The following PTK2 variants were observed in gnomAD, a reference collection of about 807,000 sequenced individuals.
The protein encoded by PTK2 is focal adhesion kinase 1.
A neutral mutation model predicts 150.1 loss-of-function variants in PTK2; 45 were observed. The ratio of observed to expected loss-of-function variants is 0.30; its 90% CI spans 0.24 to 0.38. PTK2 has a LOEUF of 0.38. PTK2 is among the 10% of genes least tolerant of loss of function. The probability of loss-of-function intolerance (pLI) is 1.00; values close to 1 mark genes in which losing one functional copy is unlikely to be tolerated. For synonymous variants in PTK2, 432 were observed against 449.2 expected (o/e 0.96, Z 0.48); for missense variants, 919 against 1,307.3 (o/e 0.70, Z 4.58).
chr8:140,999,549 T>G (rs1195268323), intron 1 of PTK2, among the ~76,000 whole-genome samples: 1 of 152,226 alleles, frequency 6.6e-6, no homozygotes, highest in Non-Finnish European at 1.5e-5. Context: ...GCTTTTCTAA[T>G]TAATTGGCTA....
chr8:140,960,187 CTTTTTTTTTTT>C (rs371999950), intron 1 of PTK2, among the ~76,000 whole-genome samples: 4 of 72,348 alleles, frequency 5.5e-5, no homozygotes, highest in Non-Finnish European at 9.4e-5. Flanking sequence ...CAATTTTAAA[CTTTTTTTTTTT>C]TTTTTTTTTT....
Position 140,818,276 on chromosome 8 carries a change from C to T in PTK2, c.867+1G>A. ...TTCCCGAAAGGTCAGAGCAGACTTA[C>T]ATTGCAGCCCTTGTCCGTTAGGTAA... On this transcript the variant is annotated splice_donor_variant, in intron 10 of 31. Coordinates refer to ENST00000522684, the Ensembl canonical transcript of PTK2. LOFTEE classifies it high-confidence loss of function. 6.2e-7 allele frequency: 1 copy of T among 1,611,942 alleles called. No individual in the cohort carries two copies. The highest frequency in any genetic ancestry group is 8.5e-7 in the Non-Finnish European group (1 of 1,177,966).
intron 23 of PTK2, among the ~76,000 whole-genome samples, chr8:140,708,953 C>T (rs182041575): frequency 1.4e-5 from 2 of 140,554 alleles, no homozygotes; most frequent in Admixed American, 1.5e-4. Flanking sequence ...GTGATGTACT[C>T]TTGATAAATT....
At chr8:140,782,061 C>A (rs2154569288) in intron 14 of PTK2, among the ~76,000 whole-genome samples, 2 of 152,206 alleles carry the variant, frequency 1.3e-5, no homozygotes, top group Middle Eastern at 3.4e-3. Flanking sequence ...GGTTTGGAGT[C>A]TCTCCTAATA....
chr8:140,797,155 A>G (rs961755690), intron 12 of PTK2, among the ~76,000 whole-genome samples: 8 of 151,680 alleles, frequency 5.3e-5, no homozygotes, highest in African/African-American at 1.9e-4. Flanking sequence ...GGCATTCTCC[A>G]GAAGTCTTGC....
chr8:140,753,332 T>G lies in PTK2; in HGVS notation c.1333-1016A>C, dbSNP rs113719294. On this transcript the variant is annotated intron_variant, in intron 16 of 31. Transcript: ENST00000522684. ...TTTTTGACCAGAAAAACTGACAAGATGGAAGGGGAAGATCAGAAGCTCGGC... is the reference window on the plus strand; with the variant it reads ...TTTTTGACCAGAAAAACTGACAAGAGGGAAGGGGAAGATCAGAAGCTCGGC... Among the ~76,000 whole-genome samples the G allele has an allele frequency of 2.6e-3, 389 of 152,158 alleles. 3 individuals are homozygous for G. Among genetic ancestry groups the G allele is most frequent in the African/African-American group, 8.9e-3 (368 of 41,518 alleles).
At chr8:140,728,509 A>G (rs1592464405) in intron 22 of PTK2, among the ~76,000 whole-genome samples, 1 of 152,122 alleles carries the variant, frequency 6.6e-6, no homozygotes, top group African/African-American at 2.4e-5. Flanking sequence ...AGCAATGGAC[A>G]TGGATTATTT....
chr8:140,993,592 T>C (rs978316981), intron 1 of PTK2, among the ~76,000 whole-genome samples: 1 of 152,104 alleles, frequency 6.6e-6, no homozygotes, highest in Non-Finnish European at 1.5e-5. Flanking sequence ...AAGACAAACA[T>C]ATAGTGTTTT....
At position 140,803,138 on chromosome 8, in the gene PTK2, G is replaced by C. The variant is rs546809197; in HGVS notation, c.975+405C>G. Among the ~76,000 whole-genome samples, 3 of 147,252 alleles carry C rather than the reference G, an allele frequency of 2.0e-5. No homozygotes were observed. In the South Asian group the frequency reaches 6.6e-4, roughly 32 times the overall value. ...CAAGAGATTCTTGTGCCTCAGCCTCGCAAGTAGCTGGGATTACAGGTGTGC... is the reference window on the plus strand; with the variant it reads ...CAAGAGATTCTTGTGCCTCAGCCTCCCAAGTAGCTGGGATTACAGGTGTGC... On this transcript the variant is annotated intron_variant, in intron 11 of 31. Transcript: ENST00000522684.
chr8:140,780,244 C>T (rs1199795517), intron 14 of PTK2, among the ~76,000 whole-genome samples: 2 of 152,080 alleles, frequency 1.3e-5, no homozygotes, highest in African/African-American at 4.8e-5. Context: ...GAAATCTAAG[C>T]ATTAATGTCA....
intron 3 of PTK2, among the ~76,000 whole-genome samples, chr8:140,885,347 C>A (rs1044262094): frequency 6.6e-6 from 1 of 152,088 alleles, no homozygotes; most frequent in Non-Finnish European, 1.5e-5. Flanking sequence ...AACAAAAGTA[C>A]CTATACCTAC....
At chr8:140,957,113 A>T (rs958569404) in intron 1 of PTK2, among the ~76,000 whole-genome samples, 3 of 152,150 alleles carry the variant, frequency 2.0e-5, no homozygotes, top group African/African-American at 7.2e-5. Context: ...TTAAAAAAAT[A>T]CAGAAAAGCT....
chr8:140,911,530 T>C (rs1360773831), intron 2 of PTK2, among the ~76,000 whole-genome samples: 1 of 152,202 alleles, frequency 6.6e-6, no homozygotes, highest in East Asian at 1.9e-4. Flanking sequence ...CTGATTTTAA[T>C]AGTATAATTT....
At chr8:140,892,031 C>A (rs1450966791) in intron 2 of PTK2, among the ~76,000 whole-genome samples, 1 of 151,976 alleles carries the variant, frequency 6.6e-6, no homozygotes, top group African/African-American at 2.4e-5. Flanking sequence ...CATGACAAGA[C>A]CTTGTCTCTA....
Position 140,715,647 on chromosome 8 carries a change from T to C in PTK2, c.2142+1951A>G, listed in dbSNP as rs757414281. ...AAATGAGTGTGTTCCAATAAAACTG[T>C]GTTTCAATAAAACTAACAAAAACAC... On this transcript the variant is annotated intron_variant, in intron 23 of 31. Coordinates refer to ENST00000522684, the Ensembl canonical transcript of PTK2. Among the ~76,000 whole-genome samples the C allele has an allele frequency of 9.5e-4, 144 of 152,168 alleles. 3 individuals are homozygous for C. Among genetic ancestry groups the C allele is most frequent in the Non-Finnish European group, 1.9e-4 (13 of 68,034 alleles).
At chr8:140,879,675 T>TAAA (rs1555302729) in intron 3 of PTK2, 38 bp from the exon 4 acceptor site, 3 of 37,260 alleles carry the variant, frequency 8.1e-5, no homozygotes, top group African/African-American at 6.2e-4. Context: ...TGTTATAAAC[T>TAAA]GAAAAAAAAA....
At chr8:140,995,292 C>T (rs985268596) in intron 1 of PTK2, among the ~76,000 whole-genome samples, 83 of 145,958 alleles carry the variant, frequency 5.7e-4, no homozygotes, top group African/African-American at 2.1e-3. Flanking sequence ...CTGACGCAGG[C>T]GAATCGCTTG....
At chr8:140,899,138 T>C (rs2100157469) in intron 2 of PTK2, among the ~76,000 whole-genome samples, 1 of 152,226 alleles carries the variant, frequency 6.6e-6, no homozygotes, top group African/African-American at 2.4e-5. Context: ...TAATGTTTAA[T>C]ATGCCCTTTT....
chr8:140,922,964 T>C (rs562714990), intron 2 of PTK2, among the ~76,000 whole-genome samples: 29 of 152,100 alleles, frequency 1.9e-4, no homozygotes, highest in Non-Finnish European at 3.4e-4. Context: ...CTGGAGCTAA[T>C]GCAGTCGCAG....
Sources: allele counts gnomAD v4.1 joint callset (sites outside exome capture counted in the v4.1 genomes callset), GRCh38; gene constraint gnomAD v4.1.1; transcripts MANE v1.5; gene names NCBI Gene and HGNC (gene_info 2026-07-23, HGNC 2026-07-21).